Variants in KSR2 observed in about 807,000 individuals in gnomAD.
The protein encoded by KSR2 is kinase suppressor of ras 2.
In KSR2, 25 loss-of-function variants were observed where a neutral mutation model predicts 107.8. The ratio of observed to expected loss-of-function variants is 0.23; its 90% confidence interval spans 0.17 to 0.32. KSR2 has a LOEUF of 0.32. Ranked by LOEUF, KSR2 falls within the 10% of genes least tolerant of loss-of-function variation. The probability of loss-of-function intolerance (pLI) is 1.00; values close to 1 mark genes in which losing one functional copy is unlikely to be tolerated. For synonymous variants in KSR2, 480 were observed against 507.0 expected (o/e 0.95, Z 0.71); for missense variants, 887 against 1,268.9 (o/e 0.70, Z 4.57).
intron 19 of KSR2, 120 bp from the exon 20 acceptor site, chr12:117,467,325 C>T (rs926977685): frequency 1.7e-5 from 9 of 530,374 alleles, no homozygotes; most frequent in African/African-American, 1.2e-4. Flanking sequence ...TTCCTGTCTT[C>T]TGCAAGAAGA....
At chr12:117,884,429 C>A (rs997754118) in intron 1 of KSR2, among the ~76,000 whole-genome samples, 4 of 152,212 alleles carry the variant, frequency 2.6e-5, no homozygotes, top group Non-Finnish European at 2.9e-5. Context: ...AAATCCTCCA[C>A]CATGCCAGCT....
intron 13 of KSR2, among the ~76,000 whole-genome samples, chr12:117,525,888 G>C (rs1285676770): frequency 1.3e-5 from 2 of 152,134 alleles, no homozygotes; most frequent in African/African-American, 4.8e-5. Flanking sequence ...TGAGAGTGAG[G>C]GGTTAACAGA....
chr12:117,659,345 A>G (rs2393250), intron 5 of KSR2, among the ~76,000 whole-genome samples: 139,154 of 152,298 alleles, frequency 0.91, 63,786 homozygotes, highest in East Asian at 0.99. Flanking sequence ...AGTACAAAAT[A>G]TGTAGGCAGG....
chr12:117,810,054 G>T (rs116717569), intron 3 of KSR2, among the ~76,000 whole-genome samples: 1 of 152,152 alleles, frequency 6.6e-6, no homozygotes, highest in Non-Finnish European at 1.5e-5. Context: ...AGTAGAGCCC[G>T]AATGAGCCTT....
intron 1 of KSR2, among the ~76,000 whole-genome samples, chr12:117,887,008 C>T (rs1269336717): frequency 6.6e-6 from 1 of 152,146 alleles, no homozygotes; most frequent in Non-Finnish European, 1.5e-5. Flanking sequence ...GCTGCAGCCT[C>T]GACCTCCTGG....
At chr12:117,785,440 A>AG (rs1252461013) in intron 3 of KSR2, among the ~76,000 whole-genome samples, 2 of 148,102 alleles carry the variant, frequency 1.4e-5, no homozygotes, top group Non-Finnish European at 3.0e-5. Context: ...AAAAAAAAAA[A>AG]AAAGCAATCA....
intron 4 of KSR2, among the ~76,000 whole-genome samples, chr12:117,721,119 G>A (rs7964607): frequency 0.38 from 57,986 of 151,984 alleles, 11,228 homozygotes; most frequent in Middle Eastern, 0.49. Flanking sequence ...AAAAGAAGTC[G>A]TCAAAAGCAA....
chr12:117,694,231 C>T (rs1329528369), intron 4 of KSR2, among the ~76,000 whole-genome samples: 1 of 152,196 alleles, frequency 6.6e-6, no homozygotes, highest in Non-Finnish European at 1.5e-5. Context: ...ATAATCCCCA[C>T]AGGTCAAGGG....
intron 1 of KSR2, among the ~76,000 whole-genome samples, chr12:117,966,649 G>GCACACACA (rs1566104140): frequency 2.7e-5 from 2 of 74,824 alleles, no homozygotes; most frequent in East Asian, 4.5e-4. Context: ...ACACACACAT[G>GCACACACA]CTGTCTCTCT....
chr12:117,825,481 C>T (rs1891709667), intron 3 of KSR2, among the ~76,000 whole-genome samples: 1 of 152,092 alleles, frequency 6.6e-6, no homozygotes. Context: ...TTCATGTAAC[C>T]ATTCCCTCTG....
In KSR2 at chr12:117,811,792, A is replaced by G. The variant is rs190603682; in HGVS notation, c.472+43636T>C. 1.1e-3 allele frequency among the ~76,000 whole-genome samples: 168 copies of G among 152,374 alleles called. 1 individual carries two copies. The highest frequency in any genetic ancestry group is 0.01 in the Middle Eastern group (3 of 294). ...CAATTAGCTAAGGTTTGATAGCTAT[A>G]AAGAGGACAGCTCTAAATTTGGTCA... On this transcript the variant is annotated intron_variant, in intron 3 of 19. Transcript: ENST00000339824.
Position 117,576,607 on chromosome 12 carries a change from C to T in KSR2, c.1325+2512G>A, listed in dbSNP as rs183907479. 3.7e-3 allele frequency among the ~76,000 whole-genome samples: 559 copies of T among 152,230 alleles called. 7 individuals carry two copies. The highest frequency in any genetic ancestry group is 0.013 in the African/African-American group (523 of 41,542). On this transcript the variant is annotated intron_variant, in intron 7 of 19. Transcript: ENST00000339824. ...CAAGCTCCTGGGCTCAAGTGATCCT[C>T]CTGCCCCAGCCTCCCAAGTATCTAG... is the stretch of plus-strand genomic sequence containing the variant.
At chr12:117,794,303 GCA>G (rs1176959771) in intron 3 of KSR2, among the ~76,000 whole-genome samples, 1 of 46,940 alleles carries the variant, frequency 2.1e-5, no homozygotes, top group Non-Finnish European at 3.4e-5. Context: ...ACACCAACAT[GCA>G]CACACACCAA....
At chr12:117,826,576 T>C (rs912900260) in intron 3 of KSR2, among the ~76,000 whole-genome samples, 5 of 152,000 alleles carry the variant, frequency 3.3e-5, no homozygotes, top group African/African-American at 1.2e-4. Context: ...GCTTCCACTC[T>C]CAAAATATTC....
intron 14 of KSR2, among the ~76,000 whole-genome samples, chr12:117,500,236 G>T (rs930144353): frequency 9.2e-5 from 14 of 152,192 alleles, no homozygotes; most frequent in African/African-American, 3.4e-4. Flanking sequence ...GGAGAAACCG[G>T]AATGCAGAAG....
At chr12:117,576,969 A>G (rs1211761792) in intron 7 of KSR2, among the ~76,000 whole-genome samples, 1 of 152,110 alleles carries the variant, frequency 6.6e-6, no homozygotes, top group Non-Finnish European at 1.5e-5. Flanking sequence ...ACTTCTCTTT[A>G]TACCACTGGG....
At position 117,804,650 on chromosome 12, in the gene KSR2, A is replaced by T. The variant is rs145210890; in HGVS notation, c.473-43126T>A. Among the ~76,000 whole-genome samples the T allele has an allele frequency of 1.8e-4, 28 of 152,240 alleles. No individual in the cohort carries two copies. In the East Asian group the frequency reaches 4.2e-3, roughly 23 times the overall value. On this transcript the variant is annotated intron_variant, in intron 3 of 19. Transcript: ENST00000339824. ...GAAAGACAAAGAAATCTTTCCAGCC[A>T]CCCCATTAAGGAACCGGCCTTCAAG...
intron 3 of KSR2, among the ~76,000 whole-genome samples, chr12:117,770,286 A>G (rs554667845): frequency 1.3e-5 from 2 of 152,246 alleles, no homozygotes; most frequent in South Asian, 4.2e-4. Context: ...CGAGGAGAAG[A>G]CACAGAGGAG....
In KSR2 at chr12:117,454,324, C is replaced by A. The variant is rs1870489022; in HGVS notation, c.*12875G>T. 1 of 152,106 alleles carries A rather than the reference C, an allele frequency of 6.6e-6. No homozygotes were observed. 9.4% of individuals were successfully genotyped at this position (152,106 alleles called of 1,614,324 possible). A position where few individuals can be genotyped will look rare whatever the true frequency, so the allele number is the denominator to read the frequency against. The stretch of plus-strand genomic sequence containing the variant: ...GATGCTGAGAAAGTGTTGATGAAAT[C>A]ATTATCCACAATAGACAGTGGCTCA... On this transcript the variant is annotated 3_prime_UTR_variant, in exon 20 of 20. Transcript: ENST00000339824.
Sources: gnomAD v4.1 joint callset for allele counts (sites outside exome capture counted in the v4.1 genomes callset) on GRCh38, gnomAD v4.1.1 for gene constraint, MANE v1.5 for transcripts, NCBI Gene and HGNC (gene_info 2026-07-23, HGNC 2026-07-21) for gene names.